Variants in CSGALNACT1 observed in about 807,000 individuals in gnomAD.
CSGALNACT1 encodes beta4GalNAcT-1.
In CSGALNACT1, 52 loss-of-function variants were observed where a neutral mutation model predicts 51.0. The observed-to-expected ratio is 1.02, with a 90% CI of 0.82 to 1.29. The LOEUF (loss-of-function observed/expected upper bound fraction) is 1.29, where lower values mean the gene tolerates loss of function less well. Among genes scored for constraint, CSGALNACT1 ranks in the 50% most tolerant of loss-of-function variants. The pLI is 0.00. For synonymous variants in CSGALNACT1, 341 were observed against 254.4 expected (o/e 1.34, Z -3.24); for missense variants, 935 against 679.2 (o/e 1.38, Z -4.19).
intron 1 of CSGALNACT1, among the ~76,000 whole-genome samples, chr8:19,648,406 G>A (rs1206125602): frequency 2.0e-5 from 3 of 152,186 alleles, no homozygotes; most frequent in Admixed American, 2.0e-4. Flanking sequence ...TAAAATTAGA[G>A]CCTACACTTT....
chr8:19,590,300 T>A (rs1281423484), intron 3 of CSGALNACT1, among the ~76,000 whole-genome samples: 1 of 152,224 alleles, frequency 6.6e-6, no homozygotes, highest in South Asian at 2.1e-4. Context: ...CTTTGAGATA[T>A]TTTAACTTTG....
chr8:19,707,015 T>A (rs1272658294), intron 1 of CSGALNACT1, among the ~76,000 whole-genome samples: 1 of 151,790 alleles, frequency 6.6e-6, no homozygotes, highest in East Asian at 1.9e-4. Flanking sequence ...TAAGGATATG[T>A]GAGATGGGGG....
At chr8:19,682,429 G>T in intron 1 of CSGALNACT1, 2 of 297,410 alleles carry the variant, frequency 6.7e-6, no homozygotes, top group Non-Finnish European at 1.3e-5. Flanking sequence ...GAAAGTTGCA[G>T]CAAATTTCAC....
At chr8:19,619,144 A>T (rs1419044232) in intron 1 of CSGALNACT1, among the ~76,000 whole-genome samples, 1 of 151,850 alleles carries the variant, frequency 6.6e-6, no homozygotes, top group African/African-American at 2.4e-5. Flanking sequence ...AGGAGCATCT[A>T]ATCACATTAG....
chr8:19,523,220 G>A (rs2081065101), intron 3 of CSGALNACT1, among the ~76,000 whole-genome samples: 1 of 152,114 alleles, frequency 6.6e-6, no homozygotes. Context: ...CTATAGGAAA[G>A]GTGGCATGTA....
chr8:19,530,351 C>T (rs1587905687), intron 3 of CSGALNACT1, among the ~76,000 whole-genome samples: 1 of 151,886 alleles, frequency 6.6e-6, no homozygotes, highest in Middle Eastern at 3.2e-3. Context: ...CACACAAGTA[C>T]TGACTGTACA....
chr8:19,718,304 G>C (rs1429100038), intron 1 of CSGALNACT1, among the ~76,000 whole-genome samples: 1 of 152,188 alleles, frequency 6.6e-6, no homozygotes, highest in East Asian at 1.9e-4. Context: ...GTTGTACCAT[G>C]TTGGCCAGGC....
intron 4 of CSGALNACT1, among the ~76,000 whole-genome samples, chr8:19,496,070 C>T (rs1587225692): frequency 6.6e-6 from 1 of 152,150 alleles, no homozygotes; most frequent in African/African-American, 2.4e-5. Context: ...GCTGATTCAA[C>T]ACCACCAATT....
upstream of CSGALNACT1, chr8:19,683,086 G>A (rs542215244): frequency 4.3e-6 from 1 of 232,838 alleles, no homozygotes; most frequent in Non-Finnish European, 8.8e-6. Context: ...AGGCAACTGT[G>A]TGCGATCACA....
At chr8:19,641,234 G>A (rs1240169327) in intron 1 of CSGALNACT1, among the ~76,000 whole-genome samples, 2 of 139,030 alleles carry the variant, frequency 1.4e-5, no homozygotes, top group South Asian at 2.4e-4. Flanking sequence ...GTACCACAAC[G>A]CCAGCCTCAC....
intron 1 of CSGALNACT1, among the ~76,000 whole-genome samples, chr8:19,615,345 TG>T (rs1284062939): frequency 1.3e-5 from 2 of 152,228 alleles, no homozygotes; most frequent in African/African-American, 4.8e-5. Context: ...CAAAGGAATT[TG>T]CCCTTCCAAG....
chr8:19,567,318 T>G (rs1295150665), intron 3 of CSGALNACT1, among the ~76,000 whole-genome samples: 1 of 151,964 alleles, frequency 6.6e-6, no homozygotes, highest in African/African-American at 2.4e-5. Flanking sequence ...GGAAAAAGAG[T>G]AGAAGGATCA....
intron 4 of CSGALNACT1, among the ~76,000 whole-genome samples, chr8:19,460,242 A>G (rs546088259): frequency 6.6e-6 from 1 of 152,320 alleles, no homozygotes; most frequent in African/African-American, 2.4e-5. Context: ...TGAGAGTGAG[A>G]GAGAATCAGG....
At chr8:19,419,211 G>A (rs994951231) in intron 7 of CSGALNACT1, among the ~76,000 whole-genome samples, 1 of 152,124 alleles carries the variant, frequency 6.6e-6, no homozygotes, top group Non-Finnish European at 1.5e-5. Flanking sequence ...AGCACCAAGT[G>A]GACCAGACAG....
chr8:19,689,180 A>G (rs867904791), intron 1 of CSGALNACT1, among the ~76,000 whole-genome samples: 2 of 152,152 alleles, frequency 1.3e-5, no homozygotes, highest in Non-Finnish European at 2.9e-5. Context: ...TGTGCCTTCC[A>G]AGACGATGTC....
At chr8:19,407,458 A>G (rs1023987606) in intron 9 of CSGALNACT1, among the ~76,000 whole-genome samples, 3 of 152,120 alleles carry the variant, frequency 2.0e-5, no homozygotes, top group African/African-American at 7.2e-5. Context: ...ACCTGAGATC[A>G]ACGTTTCGGG....
At chr8:19,706,344 C>T (rs2062162772) in intron 1 of CSGALNACT1, among the ~76,000 whole-genome samples, 1 of 152,184 alleles carries the variant, frequency 6.6e-6, no homozygotes, top group Admixed American at 6.5e-5. Context: ...AGAGAATTTC[C>T]TCCACATCCT....
Position 19,690,740 on chromosome 8 carries a change from G to T in CSGALNACT1, c.-297+67110C>A, listed in dbSNP as rs184567932. Among the ~76,000 whole-genome samples the T allele has an allele frequency of 9.9e-5, 15 of 152,266 alleles. 1 individual carries two copies. The highest frequency in any genetic ancestry group is 2.0e-4 in the Admixed American group (3 of 15,296). On this transcript the variant is annotated intron_variant, in intron 1 of 1. Coordinates refer to the CSGALNACT1 transcript ENST00000517494. ...TGATTGAAACTCCGCATGGAAGGAG[G>T]GGGTGTGTTATCCCACCCTTTCTAT... is the stretch of plus-strand genomic sequence containing the variant.
intron 1 of CSGALNACT1, among the ~76,000 whole-genome samples, chr8:19,645,268 A>G (rs2057153522): frequency 1.3e-5 from 2 of 152,378 alleles, no homozygotes; most frequent in South Asian, 4.1e-4. Context: ...TTTAGGCAGC[A>G]TGATGCAACG....
Sources: gnomAD v4.1 joint callset for allele counts (sites outside exome capture counted in the v4.1 genomes callset) on GRCh38, gnomAD v4.1.1 for gene constraint, MANE v1.5 for transcripts, NCBI Gene and HGNC (gene_info 2026-07-23, HGNC 2026-07-21) for gene names.